The following FRK variants were observed in gnomAD, a reference collection of about 807,000 sequenced individuals.
FRK encodes fyn related Src family tyrosine kinase, also known as tyrosine-protein kinase FRK.
A neutral mutation model predicts 56.4 loss-of-function variants in FRK; 51 were observed. That is an observed-to-expected ratio of 0.90 (90% CI 0.72 to 1.14). The LOEUF is 1.14. FRK is among the 50% of genes most tolerant of loss of function. FRK has a pLI of 0.00. For missense variants in FRK, 570 were observed against 601.4 expected (o/e 0.95, Z 0.55); for synonymous variants, 245 against 217.9 (o/e 1.12, Z -1.10).
chr6:116,043,846 C>T (rs933466301), intron 1 of FRK, among the ~76,000 whole-genome samples: 3 of 151,852 alleles, frequency 2.0e-5, no homozygotes, highest in Admixed American at 6.6e-5. Context: ...GCTAGACAGA[C>T]TAATAAAGAA....
At chr6:115,991,679 T>C (rs1184969044) in intron 2 of FRK, among the ~76,000 whole-genome samples, 1 of 151,896 alleles carries the variant, frequency 6.6e-6, no homozygotes, top group Non-Finnish European at 1.5e-5. Flanking sequence ...TTTGCTAGTA[T>C]TTTGTTGAGG....
rs1325867607 is a variant in FRK at position 115,939,656 on chromosome 6, T to C, written c.*2758A>G. 1.3e-5 allele frequency: 2 copies of C among 152,226 alleles called. No individual in the cohort carries two copies. Among genetic ancestry groups the C allele is most frequent in the East Asian group, 3.8e-4 (2 of 5,198 alleles). The allele number at this position is 152,226 out of a possible 1,614,324, so 9.4% of individuals were successfully genotyped here. ...AAAGTCTCAGGATACAAAATCAATG[T>C]GCAAAAATCACACACATTCCTATAC... On this transcript the variant is annotated 3_prime_UTR_variant, in exon 8 of 8. Coordinates refer to ENST00000606080, the MANE Select transcript of FRK (RefSeq NM_002031.3).
chr6:116,095,480 G>C, the FRK span, among the ~76,000 whole-genome samples: 3 of 152,150 alleles, frequency 2.0e-5, no homozygotes, highest in Non-Finnish European at 4.4e-5. Flanking sequence ...CAAAAGTAAA[G>C]TTTGCTAAAA....
chr6:116,042,134 A>C (rs1398384315), intron 1 of FRK, among the ~76,000 whole-genome samples: 1 of 152,086 alleles, frequency 6.6e-6, no homozygotes, highest in East Asian at 1.9e-4. Flanking sequence ...GCCACCAGGA[A>C]GTTCGAACTA....
chr6:116,064,379 A>T (rs1777717777), upstream of FRK, among the ~76,000 whole-genome samples: 1 of 152,208 alleles, frequency 6.6e-6, no homozygotes, highest in African/African-American at 2.4e-5. Flanking sequence ...GTCTTGTACA[A>T]TGTCCATTAT....
In FRK at chr6:115,931,484, A is replaced by T. The variant is rs1771957807; in HGVS notation, c.*10930T>A. The T allele has an allele frequency of 1.3e-5, 2 of 152,302 alleles. No homozygotes were observed. Among genetic ancestry groups the T allele is most frequent in the African/African-American group, 4.8e-5 (2 of 41,586 alleles). The allele number at this position is 152,302 out of a possible 1,614,324, so 9.4% of individuals were successfully genotyped here. On this transcript the variant is annotated 3_prime_UTR_variant, in exon 8 of 8. Transcript: ENST00000606080. ...AAATTAGTCATATGTAATATGTGTC[A>T]CATGTAACTGTACAATATAAATATT...
intron 1 of FRK, among the ~76,000 whole-genome samples, chr6:116,006,433 C>T (rs1011412227): frequency 2.6e-5 from 4 of 152,092 alleles, no homozygotes; most frequent in East Asian, 1.9e-4. Context: ...AGTGGTAGTA[C>T]GATTTGGTAC....
chr6:115,950,892 C>T (rs1269214174), intron 5 of FRK, among the ~76,000 whole-genome samples: 2 of 152,110 alleles, frequency 1.3e-5, no homozygotes, highest in Non-Finnish European at 2.9e-5. Context: ...AGCTGGAAAC[C>T]ATCATTCTCA....
intron 5 of FRK, among the ~76,000 whole-genome samples, chr6:115,945,978 T>TAC (rs1166626893): frequency 6.6e-6 from 1 of 152,102 alleles, no homozygotes; most frequent in Non-Finnish European, 1.5e-5. Flanking sequence ...TTTATATTTG[T>TAC]ACACAAAATA....
upstream of FRK, among the ~76,000 whole-genome samples, chr6:116,064,950 T>C (rs993825113): frequency 6.6e-6 from 1 of 152,200 alleles, no homozygotes; most frequent in Non-Finnish European, 1.5e-5. Flanking sequence ...CTGTATCCTT[T>C]GCCATTCTTT....
intron 5 of FRK, among the ~76,000 whole-genome samples, chr6:115,951,188 G>T (rs1312275903): frequency 2.0e-5 from 3 of 151,992 alleles, no homozygotes; most frequent in Non-Finnish European, 4.4e-5. Flanking sequence ...AAAAAAAATT[G>T]AAAACAAAAT....
intron 3 of FRK, 29 bp downstream of exon 3, chr6:115,968,546 TA>T (rs748122952): frequency 1.3e-5 from 21 of 1,586,706 alleles, no homozygotes; most frequent in Admixed American, 1.9e-5. Flanking sequence ...TTAACTTCAA[TA>T]AAAAAACACA....
At chr6:116,012,102 C>G (rs1029824031) in intron 1 of FRK, among the ~76,000 whole-genome samples, 1 of 152,104 alleles carries the variant, frequency 6.6e-6, no homozygotes, top group Non-Finnish European at 1.5e-5. Flanking sequence ...ACTGCCTGTT[C>G]TCTTTAACAT....
intron 2 of FRK, among the ~76,000 whole-genome samples, chr6:115,978,575 T>A (rs1251690693): frequency 6.6e-6 from 1 of 152,110 alleles, no homozygotes; most frequent in African/African-American, 2.4e-5. Flanking sequence ...AAACTATTAA[T>A]AAAAACACAT....
chr6:116,074,156 G>T, the FRK span, among the ~76,000 whole-genome samples: 2 of 152,174 alleles, frequency 1.3e-5, no homozygotes, highest in Non-Finnish European at 2.9e-5. Flanking sequence ...TCCTCCACAG[G>T]TCTGACTTAG....
the FRK span, among the ~76,000 whole-genome samples, chr6:116,091,751 G>A: frequency 6.6e-6 from 1 of 152,162 alleles, no homozygotes; most frequent in African/African-American, 2.4e-5. Context: ...TCTGGGAAAG[G>A]GCTCTCTGAC....
chr6:115,980,341 AG>A (rs1748052823), intron 2 of FRK, among the ~76,000 whole-genome samples: 1 of 152,140 alleles, frequency 6.6e-6, no homozygotes, highest in Non-Finnish European at 1.5e-5. Context: ...TCTAGCAGCA[AG>A]AAAAATATGT....
chr6:115,958,200 A>G (rs546366074), intron 4 of FRK, among the ~76,000 whole-genome samples: 34 of 152,346 alleles, frequency 2.2e-4, no homozygotes, highest in African/African-American at 8.2e-4. Flanking sequence ...CACCTAAATC[A>G]TAATAAGGGA....
Position 115,942,241 on chromosome 6 carries a change from C to G in FRK, c.*173G>C. 1 of 589,524 alleles carries G rather than the reference C, an allele frequency of 1.7e-6. No homozygotes were observed. The highest frequency in any genetic ancestry group is 3.0e-6 in the Non-Finnish European group (1 of 333,574). The allele number at this position is 589,524 out of a possible 1,614,324, so 36.5% of individuals were successfully genotyped here. On this transcript the variant is annotated 3_prime_UTR_variant, in exon 8 of 8. Transcript: ENST00000606080. ...TCACCTTGACTGTCCTGCAGTGTTG[C>G]CCAGTCAATAAAATGCACAAATAAT...
Sources: allele counts gnomAD v4.1 joint callset (sites outside exome capture counted in the v4.1 genomes callset), GRCh38; gene constraint gnomAD v4.1.1; transcripts MANE v1.5; gene names NCBI Gene and HGNC (gene_info 2026-07-23, HGNC 2026-07-21).